PRSS23: variants seen among roughly 807,000 people sequenced by gnomAD.
PRSS23 encodes serine protease 23, also known as protease, serine 23.
PRSS23 carries 25 observed loss-of-function variants against 34.7 expected under a neutral mutation model. The ratio of observed to expected loss-of-function variants is 0.72; its 90% confidence interval spans 0.53 to 1.01. The LOEUF (loss-of-function observed/expected upper bound fraction) is 1.01, where lower values mean the gene tolerates loss of function less well. PRSS23 is among the 50% of genes least tolerant of loss of function. The pLI is 0.00. For synonymous variants in PRSS23, 176 were observed against 186.6 expected, an observed-to-expected ratio of 0.94 and a Z score of 0.46; for missense variants, 445 against 475.6, an observed-to-expected ratio of 0.94 and a Z score of 0.60.
intron 1 of PRSS23, among the ~76,000 whole-genome samples, chr11:86,806,526 G>A (rs540103968): frequency 1.1e-4 from 17 of 152,296 alleles, no homozygotes; most frequent in African/African-American, 3.9e-4. Flanking sequence ...TGAAAAGAAC[G>A]GGTGCATTTG....
chr11:86,798,018 G>A (rs115381126), upstream of PRSS23, among the ~76,000 whole-genome samples: 958 of 152,304 alleles, frequency 6.3e-3, 17 homozygotes, highest in African/African-American at 0.022. Context: ...CTAGCGCAAT[G>A]TTTTCCATGT....
chr11:86,921,708 T>G (rs1949048375), intron 2 of PRSS23: 1 of 152,214 alleles, frequency 6.6e-6, no homozygotes. Context: ...TTCACAGACT[T>G]TATTTGTGGC....
At chr11:86,864,233 T>TTC (rs1565370163) in intron 2 of PRSS23, among the ~76,000 whole-genome samples, 1 of 149,260 alleles carries the variant, frequency 6.7e-6, no homozygotes, top group Non-Finnish European at 1.5e-5. Context: ...TTTTTTTTTT[T>TTC]CCCCAAAGAC....
At chr11:86,822,166 A>T (rs564162415) in intron 1 of PRSS23, among the ~76,000 whole-genome samples, 2 of 152,200 alleles carry the variant, frequency 1.3e-5, no homozygotes, top group Non-Finnish European at 2.9e-5. Context: ...CTACTATGCA[A>T]GGCATAGTAG....
Position 86,807,818 on chromosome 11 carries a change from T to C in PRSS23, c.175T>C (p.Leu59=), listed in dbSNP as rs752384285. 6.2e-7 allele frequency: 1 copy of C among 1,614,092 alleles called. No homozygotes were observed. The highest frequency in any genetic ancestry group is 8.5e-7 in the Non-Finnish European group (1 of 1,180,002). ...GCCAGACTTTGGAGCCGAAGCCAAATTAGAAGTATCTTCTTCATGTGGACC... is the reference window on the plus strand; with the variant it reads ...GCCAGACTTTGGAGCCGAAGCCAAACTAGAAGTATCTTCTTCATGTGGACC... ...AKPDFGAEAK[L]EVSSSCGPQC... Residue 59 remains leucine, a synonymous_variant, in exon 2 of 2, where the codon TTA becomes CTA. Transcript: ENST00000280258.
At chr11:86,792,091 C>T (rs1374248181) in intron 1 of PRSS23, among the ~76,000 whole-genome samples, 6 of 152,144 alleles carry the variant, frequency 3.9e-5, no homozygotes, top group Non-Finnish European at 7.4e-5. Flanking sequence ...CTGTCTGCCT[C>T]TCTCCCATGA....
chr11:86,892,629 A>C (rs1948849307), intron 2 of PRSS23, among the ~76,000 whole-genome samples: 1 of 152,216 alleles, frequency 6.6e-6, no homozygotes, highest in African/African-American at 2.4e-5. Context: ...GATAATCTTT[A>C]AAACTGACAT....
intron 2 of PRSS23, among the ~76,000 whole-genome samples, chr11:86,897,368 C>G (rs991714719): frequency 6.6e-6 from 1 of 151,378 alleles, no homozygotes; most frequent in Non-Finnish European, 1.5e-5. Flanking sequence ...CTACTCTCAA[C>G]GTGCTGGAAT....
intron 2 of PRSS23, among the ~76,000 whole-genome samples, chr11:86,887,927 C>T (rs1948814577): frequency 6.6e-6 from 1 of 151,932 alleles, no homozygotes; most frequent in Non-Finnish European, 1.5e-5. Flanking sequence ...TGGCGGGCGC[C>T]TGTAATCCCA....
At chr11:86,843,899 C>T (rs1347930169) in intron 2 of PRSS23, among the ~76,000 whole-genome samples, 1 of 152,194 alleles carries the variant, frequency 6.6e-6, no homozygotes, top group Non-Finnish European at 1.5e-5. Context: ...TCTGACCCAG[C>T]AATCCCATTA....
intron 2 of PRSS23, among the ~76,000 whole-genome samples, chr11:86,917,272 T>C (rs1448892938): frequency 1.3e-5 from 2 of 152,218 alleles, no homozygotes; most frequent in East Asian, 3.9e-4. Context: ...TGAGCTGAGA[T>C]TGTGCCATTG....
chr11:86,854,511 AT>A (rs1290930575), intron 2 of PRSS23, among the ~76,000 whole-genome samples: 1 of 152,216 alleles, frequency 6.6e-6, no homozygotes, highest in East Asian at 1.9e-4. Flanking sequence ...AGTGTTTGTC[AT>A]TTAGATGTAA....
Position 86,808,479 on chromosome 11 carries a change from T to C in PRSS23, c.836T>C (p.Phe279Ser). 7 of 1,614,216 alleles carry C rather than the reference T, an allele frequency of 4.3e-6. No individual in the cohort carries two copies. The highest frequency in any genetic ancestry group is 5.9e-6 in the Non-Finnish European group (7 of 1,180,036). ...CAGCTGCCAGGGGGCAGAATTCACT[T>C]CTCTGGTTATGACAATGACCGACCA... ...AKQLPGGRIHFSGYDNDRPGN... is the reference protein window; with the variant it reads ...AKQLPGGRIHSSGYDNDRPGN... Residue 279 changes from phenylalanine (F) to serine (S), a missense_variant, in exon 2 of 2, where the codon TTC (phenylalanine) becomes TCC (serine). Physicochemically the swap from Phe to Ser is radical, Grantham distance 155. Transcript: ENST00000280258.
intron 2 of PRSS23, among the ~76,000 whole-genome samples, chr11:86,925,295 A>AGAGT (rs113096717): frequency 1.3e-4 from 19 of 149,106 alleles, no homozygotes; most frequent in African/African-American, 4.7e-4. Context: ...GTTTAACTGG[A>AGAGT]GTGTGTGTGT....
intron 2 of PRSS23, among the ~76,000 whole-genome samples, chr11:86,827,673 C>G (rs1441962375): frequency 6.6e-6 from 1 of 152,076 alleles, no homozygotes; most frequent in Non-Finnish European, 1.5e-5. Flanking sequence ...GAATGTGTCC[C>G]AGAGATTCTG....
intron 1 of PRSS23, chr11:86,821,463 T>C (rs1948251009): frequency 1.0e-5 from 16 of 1,604,248 alleles, no homozygotes; most frequent in Non-Finnish European, 1.4e-5. Flanking sequence ...GTATAGGCTA[T>C]AGCAGGACAC....
At chr11:86,899,830 C>T (rs1590920011) in intron 2 of PRSS23, among the ~76,000 whole-genome samples, 1 of 128,806 alleles carries the variant, frequency 7.8e-6, no homozygotes, top group African/African-American at 3.4e-5. Flanking sequence ...GACCCCATTT[C>T]TTAAAAAAAA....
At chr11:86,822,343 A>G (rs569261670) in intron 1 of PRSS23, among the ~76,000 whole-genome samples, 62 of 152,298 alleles carry the variant, frequency 4.1e-4, no homozygotes, top group African/African-American at 1.3e-3. Flanking sequence ...AACTAGAGCC[A>G]GGCATGGTGG....
At chr11:86,918,410 CAGAA>C (rs764641518) in intron 2 of PRSS23, among the ~76,000 whole-genome samples, 12 of 152,214 alleles carry the variant, frequency 7.9e-5, no homozygotes, top group Middle Eastern at 3.4e-3. Flanking sequence ...TGTCTATGTA[CAGAA>C]AGAAAGAAAG....
Sources: allele counts gnomAD v4.1 joint callset (sites outside exome capture counted in the v4.1 genomes callset), GRCh38; gene constraint gnomAD v4.1.1; transcripts MANE v1.5; gene names NCBI Gene and HGNC (gene_info 2026-07-23, HGNC 2026-07-21).